TOX3: variants seen among roughly 807,000 people sequenced by gnomAD.
TOX3 encodes the protein TOX high mobility group box family member 3.
Under a neutral mutation model 64.3 loss-of-function variants are expected in TOX3, and 22 were observed. That is an observed-to-expected ratio of 0.34 (90% CI 0.24 to 0.49). The LOEUF (loss-of-function observed/expected upper bound fraction) is 0.49, where lower values mean the gene tolerates loss of function less well. Ranked by LOEUF, TOX3 falls within the 20% of genes least tolerant of loss-of-function variation. The pLI is 0.99. For synonymous variants in TOX3, 291 were observed against 273.6 expected (o/e 1.06, Z -0.63); for missense variants, 661 against 714.4 (o/e 0.93, Z 0.85).
rs565603167 is a variant in TOX3 at position 52,540,599 on chromosome 16, G to T, written c.87+6038C>A. On this transcript the variant is annotated intron_variant, in intron 1 of 6. Transcript: ENST00000219746. The stretch of plus-strand genomic sequence containing the variant: ...CCTCTTTGCTAGTGAGTAGCCTAGG[G>T]TTGGTACGCAACCCATTTCTGACCA... Among the ~76,000 whole-genome samples, 4 of 152,220 alleles carry T rather than the reference G, an allele frequency of 2.6e-5. No individual in the cohort carries two copies. In the South Asian group the frequency reaches 8.3e-4, roughly 32 times the overall value.
intron 1 of TOX3, among the ~76,000 whole-genome samples, chr16:52,476,341 C>T (rs571665306): frequency 6.6e-6 from 1 of 152,272 alleles, no homozygotes; most frequent in South Asian, 2.1e-4. Context: ...GTCTGTGAAT[C>T]GCATAACCAT....
At chr16:52,452,654 A>T (rs927831534) in intron 3 of TOX3, among the ~76,000 whole-genome samples, 2 of 150,722 alleles carry the variant, frequency 1.3e-5, no homozygotes, top group Non-Finnish European at 2.9e-5. Flanking sequence ...CATTGTGCAC[A>T]TGTACCCTAA....
At chr16:52,545,066 T>C (rs1440474746) in intron 1 of TOX3, among the ~76,000 whole-genome samples, 1 of 152,224 alleles carries the variant, frequency 6.6e-6, no homozygotes, top group Admixed American at 6.5e-5. Context: ...AAACACTACA[T>C]ACTTAATTAG....
intron 1 of TOX3, among the ~76,000 whole-genome samples, chr16:52,526,370 C>T (rs1255760175): frequency 2.0e-5 from 3 of 152,152 alleles, no homozygotes; most frequent in Non-Finnish European, 4.4e-5. Context: ...TCAATTCTGT[C>T]CAATGTTTCT....
In TOX3 at chr16:52,523,325, C is replaced by T. The variant is rs146014109; in HGVS notation, c.87+23312G>A. 5.1e-3 allele frequency among the ~76,000 whole-genome samples: 783 copies of T among 152,188 alleles called. 8 individuals carry two copies. Among genetic ancestry groups the T allele is most frequent in the South Asian group, 0.019 (90 of 4,810 alleles). On this transcript the variant is annotated intron_variant, in intron 1 of 6. Coordinates refer to ENST00000219746, the MANE Select transcript of TOX3 (RefSeq NM_001080430.4). The stretch of plus-strand genomic sequence containing the variant: ...TGTGGTGGGAGGGAAGTCAGACAGG[C>T]CTTGATGAGGTCAAGGAAATAATGT...
intron 1 of TOX3, among the ~76,000 whole-genome samples, chr16:52,514,609 A>T (rs1250533465): frequency 6.6e-6 from 1 of 152,220 alleles, no homozygotes; most frequent in African/African-American, 2.4e-5. Context: ...TTGGAAGAAG[A>T]TCAGTAGGTC....
At chr16:52,454,333 G>C (rs1960451116) in intron 3 of TOX3, among the ~76,000 whole-genome samples, 1 of 152,096 alleles carries the variant, frequency 6.6e-6, no homozygotes, top group African/African-American at 2.4e-5. Flanking sequence ...AAAACTTAGA[G>C]TCATCCACAT....
At chr16:52,473,362 TAA>T (rs10532665) in intron 1 of TOX3, among the ~76,000 whole-genome samples, 1 of 145,408 alleles carries the variant, frequency 6.9e-6, no homozygotes. Flanking sequence ...AACTTAATCC[TAA>T]AAAAAAAAAA....
At chr16:52,462,254 A>C (rs535927768) in intron 3 of TOX3, among the ~76,000 whole-genome samples, 13 of 152,128 alleles carry the variant, frequency 8.5e-5, no homozygotes, top group African/African-American at 3.1e-4. Context: ...ATTACAAAAG[A>C]AGCATTAAAA....
chr16:52,463,072 G>A (rs1290964265), intron 3 of TOX3, among the ~76,000 whole-genome samples: 3 of 152,134 alleles, frequency 2.0e-5, no homozygotes, highest in Admixed American at 1.3e-4. Context: ...CTAATGTGCA[G>A]AGAAATATGT....
chr16:52,485,127 G>A (rs1567329228), intron 1 of TOX3, among the ~76,000 whole-genome samples: 2 of 132,448 alleles, frequency 1.5e-5, no homozygotes, highest in South Asian at 2.6e-4. Flanking sequence ...ATATGTGTGT[G>A]TATACATATG....
At chr16:52,456,762 G>T (rs2151750566) in intron 3 of TOX3, among the ~76,000 whole-genome samples, 1 of 152,266 alleles carries the variant, frequency 6.6e-6, no homozygotes, top group South Asian at 2.1e-4. Context: ...AATCACTCAT[G>T]GCCAATAGAA....
chr16:52,486,649 G>A (rs912263584), intron 1 of TOX3, among the ~76,000 whole-genome samples: 6 of 152,120 alleles, frequency 3.9e-5, no homozygotes, highest in African/African-American at 1.2e-4. Flanking sequence ...AAGAAATTGT[G>A]GGCTGGGTGC....
intron 4 of TOX3, among the ~76,000 whole-genome samples, chr16:52,447,235 A>C (rs1960189528): frequency 6.6e-6 from 1 of 152,222 alleles, no homozygotes; most frequent in African/African-American, 2.4e-5. Context: ...TTTTGCAGTT[A>C]ACTTCATCAA....
At chr16:52,465,336 G>A (rs1464108708) in intron 2 of TOX3, among the ~76,000 whole-genome samples, 1 of 151,860 alleles carries the variant, frequency 6.6e-6, no homozygotes, top group African/African-American at 2.4e-5. Flanking sequence ...CTTAAAGGCA[G>A]TGTTTTAAAA....
chr16:52,468,433 G>T (rs912346539), intron 2 of TOX3, 76 bp downstream of exon 2: 7 of 1,316,960 alleles, frequency 5.3e-6, no homozygotes, highest in Admixed American at 1.9e-5. Context: ...TTGATACTTT[G>T]TTTTTCCCTT....
rs1959913607 is a variant in TOX3 at position 52,440,030 on chromosome 16, C to T, written c.988-62G>A. On this transcript the variant is annotated intron_variant, in intron 6 of 6. Coordinates refer to ENST00000219746, the MANE Select transcript of TOX3 (RefSeq NM_001080430.4). ...CACATAAGTATTTAAAATATTTAAG[C>T]ATTTTTAGATATTATAAATTGATTT... is the stretch of plus-strand genomic sequence containing the variant. 2.3e-6 allele frequency: 3 copies of T among 1,315,950 alleles called. No individual in the cohort carries two copies. In the South Asian group the frequency reaches 4.7e-5, roughly 21 times the overall value. 81.5% of individuals were successfully genotyped at this position (1,315,950 alleles called of 1,614,324 possible). A position where few individuals can be genotyped will look rare whatever the true frequency, so the allele number is the denominator to read the frequency against.
intron 1 of TOX3, among the ~76,000 whole-genome samples, chr16:52,472,533 T>C (rs545145444): frequency 6.6e-4 from 100 of 152,340 alleles, no homozygotes; most frequent in Non-Finnish European, 6.5e-4. Context: ...TTATTCATTC[T>C]AAGTCACCTT....
At chr16:52,448,612 C>T (rs577420158) in intron 4 of TOX3, among the ~76,000 whole-genome samples, 7 of 152,250 alleles carry the variant, frequency 4.6e-5, no homozygotes, top group Admixed American at 2.0e-4. Flanking sequence ...TCTTGAAACC[C>T]CTTCAATTTC....
Sources: gnomAD v4.1 joint callset for allele counts (sites outside exome capture counted in the v4.1 genomes callset) on GRCh38, gnomAD v4.1.1 for gene constraint, MANE v1.5 for transcripts, NCBI Gene and HGNC (gene_info 2026-07-23, HGNC 2026-07-21) for gene names.